Variants in CUL3 observed in about 807,000 individuals in gnomAD.
CUL3 encodes cullin-3.
Under a neutral mutation model 89.1 loss-of-function variants are expected in CUL3, and 19 were observed. The observed-to-expected ratio is 0.21, with a 90% CI of 0.15 to 0.31. The LOEUF (loss-of-function observed/expected upper bound fraction) is 0.31, where lower values mean the gene tolerates loss of function less well. Ranked by LOEUF, CUL3 falls within the 10% of genes least tolerant of loss-of-function variation. The pLI, the probability that CUL3 is intolerant of heterozygous loss-of-function variation, is 1.00. For synonymous variants in CUL3, 351 were observed against 308.4 expected, an observed-to-expected ratio of 1.14 and a Z score of -1.45; for missense variants, 469 against 942.3, an observed-to-expected ratio of 0.50 and a Z score of 6.58.
At chr2:224,507,372 A>G (rs1692641327) in intron 6 of CUL3, among the ~76,000 whole-genome samples, 1 of 152,168 alleles carries the variant, frequency 6.6e-6, no homozygotes, top group Non-Finnish European at 1.5e-5. Flanking sequence ...TCTAATGCAG[A>G]CCTAATGACA....
At chr2:224,561,825 G>A (rs56409308) in intron 1 of CUL3, among the ~76,000 whole-genome samples, 2,751 of 152,294 alleles carry the variant, frequency 0.018, 46 homozygotes, top group South Asian at 0.03. Context: ...GTGCAATGTG[G>A]TTTTAGTTTG....
intron 5 of CUL3, among the ~76,000 whole-genome samples, chr2:224,512,764 G>A (rs1042796753): frequency 7.9e-5 from 12 of 152,172 alleles, no homozygotes; most frequent in Admixed American, 1.3e-4. Flanking sequence ...ATGAGACTTC[G>A]TTGGTGATGT....
chr2:224,570,408 G>A (rs907724549), intron 1 of CUL3, among the ~76,000 whole-genome samples: 2 of 152,186 alleles, frequency 1.3e-5, no homozygotes, highest in African/African-American at 2.4e-5. Flanking sequence ...CCAGAGAAAC[G>A]TGAGACGGTG....
intron 3 of CUL3, among the ~76,000 whole-genome samples, chr2:224,522,641 C>G (rs992199796): frequency 6.6e-5 from 10 of 152,118 alleles, no homozygotes; most frequent in African/African-American, 1.9e-4. Flanking sequence ...TCCTGGCTAA[C>G]ACAGTGAAAC....
intron 9 of CUL3, 29 bp from the exon 10 acceptor site, chr2:224,503,101 A>T: frequency 7.9e-7 from 1 of 1,259,938 alleles, no homozygotes. Context: ...AATATACACA[A>T]ATAAATGGTA....
chr2:224,497,677 G>A (rs1241261394), intron 12 of CUL3, 76 bp downstream of exon 12: 5 of 1,097,962 alleles, frequency 4.6e-6, no homozygotes, highest in Non-Finnish European at 6.8e-6. Context: ...AATTTACCCA[G>A]GTCAACATAA....
intron 3 of CUL3, among the ~76,000 whole-genome samples, chr2:224,531,292 T>C (rs1029348110): frequency 6.6e-6 from 1 of 152,058 alleles, no homozygotes; most frequent in Non-Finnish European, 1.5e-5. Context: ...TTCACCACAC[T>C]GGCCAGGCTG....
chr2:224,577,655 T>C (rs925696169), intron 1 of CUL3, among the ~76,000 whole-genome samples: 3 of 152,194 alleles, frequency 2.0e-5, no homozygotes, highest in Non-Finnish European at 2.9e-5. Flanking sequence ...TTTCAGTCTC[T>C]TTACTTTTTA....
At chr2:224,508,206 T>C (rs953352448) in intron 6 of CUL3, among the ~76,000 whole-genome samples, 2 of 152,134 alleles carry the variant, frequency 1.3e-5, no homozygotes, top group Admixed American at 6.5e-5. Context: ...GAGCTTAAAG[T>C]TGTATACATT....
chr2:224,484,316 A>G (rs1404095249), intron 13 of CUL3, among the ~76,000 whole-genome samples: 1 of 152,170 alleles, frequency 6.6e-6, no homozygotes, highest in African/African-American at 2.4e-5. Context: ...TGTTTGGCTA[A>G]AAATGAAATC....
chr2:224,550,550 A>G (rs1210123501), intron 2 of CUL3, among the ~76,000 whole-genome samples: 1 of 152,174 alleles, frequency 6.6e-6, no homozygotes, highest in Admixed American at 6.5e-5. Flanking sequence ...GTATCTTAAA[A>G]CTAACCTGTT....
At position 224,506,880 on chromosome 2, in the gene CUL3, T is replaced by G; in HGVS notation, c.1007A>C (p.Lys336Thr). ...KALVSEEGEG[K>T]NPVDYIQGLL... ...TACCTGGATATAGTCAACAGGATTC[T>G]TTCCTTCTCCTTCTTCAGAAACAAG... The change falls in exon 7 of 16, where the codon AAG becomes ACG. Residue 336 changes from lysine (K) to threonine (T), a missense_variant. Physicochemically the swap from Lys to Thr is moderately conservative, Grantham distance 78 (BLOSUM62 -1). Transcript: ENST00000264414. 6.2e-7 allele frequency: 1 copy of G among 1,613,640 alleles called. No homozygotes were observed. The highest frequency in any genetic ancestry group is 8.5e-7 in the Non-Finnish European group (1 of 1,179,726).
At chr2:224,558,324 C>G (rs1694787251) in intron 1 of CUL3, among the ~76,000 whole-genome samples, 1 of 152,128 alleles carries the variant, frequency 6.6e-6, no homozygotes, top group South Asian at 2.1e-4. Context: ...TTAAGTGCAG[C>G]CTTCATGCAA....
At chr2:224,480,404 C>T (rs1691491944) in intron 14 of CUL3, among the ~76,000 whole-genome samples, 1 of 151,988 alleles carries the variant, frequency 6.6e-6, no homozygotes, top group African/African-American at 2.4e-5. Flanking sequence ...AAAAACCATT[C>T]CCAAGAAAAA....
chr2:224,540,118 G>A (rs1041156437), intron 2 of CUL3, among the ~76,000 whole-genome samples: 8 of 150,072 alleles, frequency 5.3e-5, no homozygotes, highest in Admixed American at 2.0e-4. Flanking sequence ...GTCCAGTGGC[G>A]CAATCTTGGC....
At chr2:224,503,499 G>A (rs189959992) in intron 9 of CUL3, among the ~76,000 whole-genome samples, 153 bp downstream of exon 9, 2 of 152,258 alleles carry the variant, frequency 1.3e-5, no homozygotes, top group African/African-American at 4.8e-5. Flanking sequence ...ACAAATGTTA[G>A]TGTAGTCTGT....
intron 1 of CUL3, among the ~76,000 whole-genome samples, chr2:224,572,354 G>A (rs147226606): frequency 6.6e-6 from 1 of 151,922 alleles, no homozygotes; most frequent in Non-Finnish European, 1.5e-5. Flanking sequence ...AGTATTAAAA[G>A]GTACGGCAAT....
chr2:224,556,157 T>C (rs149222339), intron 2 of CUL3: 10 of 152,182 alleles, frequency 6.6e-5, no homozygotes, highest in East Asian at 1.9e-4. Context: ...GGAACCACCA[T>C]AGTAATAATG....
chr2:224,513,238 T>C (rs1692909461), intron 5 of CUL3, among the ~76,000 whole-genome samples: 1 of 152,192 alleles, frequency 6.6e-6, no homozygotes, highest in African/African-American at 2.4e-5. Flanking sequence ...ATGTGGACTT[T>C]TGACTACACA....
Sources: gnomAD v4.1 joint callset for allele counts (sites outside exome capture counted in the v4.1 genomes callset) on GRCh38, gnomAD v4.1.1 for gene constraint, MANE v1.5 for transcripts, NCBI Gene and HGNC (gene_info 2026-07-23, HGNC 2026-07-21) for gene names.